The following SGSM2 variants were observed in gnomAD, a reference collection of about 807,000 sequenced individuals.
The protein encoded by SGSM2 is small G protein signaling modulator 2, also known as RUN and TBC1 domain containing 1.
In SGSM2, 89 loss-of-function variants were observed where a neutral mutation model predicts 126.6. The observed-to-expected ratio is 0.70, with a 90% CI of 0.59 to 0.84. The LOEUF (loss-of-function observed/expected upper bound fraction) is 0.84. SGSM2 is among the 40% of genes least tolerant of loss of function. The probability of loss-of-function intolerance (pLI) is 0.00; values close to 1 mark genes in which losing one functional copy is unlikely to be tolerated. For missense variants in SGSM2, 1,404 were observed against 1,416.6 expected, an observed-to-expected ratio of 0.99 and a Z score of 0.14; for synonymous variants, 614 against 574.3, an observed-to-expected ratio of 1.07 and a Z score of -0.99.
chr17:2,344,657 G>A (rs917472764), intron 2 of SGSM2, among the ~76,000 whole-genome samples: 3 of 152,172 alleles, frequency 2.0e-5, no homozygotes, highest in African/African-American at 2.4e-5. Context: ...AAACAAATGC[G>A]CAAGTAAATA....
At chr17:2,360,995 A>G (rs1231385971) in intron 2 of SGSM2, among the ~76,000 whole-genome samples, 1 of 152,218 alleles carries the variant, frequency 6.6e-6, no homozygotes, top group Non-Finnish European at 1.5e-5. Context: ...GTCTGGGCAC[A>G]GGGCAGCTCC....
At chr17:2,366,995 T>G in intron 11 of SGSM2, 1 of 406,434 alleles carries the variant, frequency 2.5e-6, no homozygotes, top group Non-Finnish European at 4.5e-6. Context: ...GTCCCGGTCT[T>G]TCACATCCTC....
intron 1 of SGSM2, among the ~76,000 whole-genome samples, chr17:2,338,354 A>G (rs552391616): frequency 3.3e-5 from 5 of 150,662 alleles, no homozygotes; most frequent in African/African-American, 1.2e-4. Flanking sequence ...TTTTGAGGGA[A>G]GCCCCCCTAC....
intron 21 of SGSM2, 171 bp downstream of exon 21, chr17:2,377,239 A>C: frequency 1.8e-6 from 1 of 570,776 alleles, no homozygotes; most frequent in Admixed American, 3.3e-5. Flanking sequence ...TCATCCCAGC[A>C]ATTTAGGAGG....
chr17:2,360,626 C>T (rs2065269201), intron 2 of SGSM2, among the ~76,000 whole-genome samples: 1 of 152,246 alleles, frequency 6.6e-6, no homozygotes, highest in African/African-American at 2.4e-5. Flanking sequence ...TAGCCCTCTT[C>T]CCATTTCACA....
Position 2,380,369 on chromosome 17 carries a change from G to A in SGSM2, c.*849G>A. On this transcript the variant is annotated 3_prime_UTR_variant, in exon 24 of 24. Coordinates refer to ENST00000268989, the MANE Select transcript of SGSM2 (RefSeq NM_014853.3). ...GAGGAATCCCAGGGTGACTCTGTCGGGGAAGAATCCGGTCACAGCCTCCCC... is the reference window on the plus strand; with the variant it reads ...GAGGAATCCCAGGGTGACTCTGTCGAGGAAGAATCCGGTCACAGCCTCCCC... 3 of 1,457,384 alleles carry A rather than the reference G, an allele frequency of 2.1e-6. No homozygotes were observed. Among genetic ancestry groups the A allele is most frequent in the South Asian group, 2.4e-5 (2 of 82,420 alleles). 90.3% of individuals were successfully genotyped at this position (1,457,384 alleles called of 1,614,324 possible).
rs1425779592 is a variant in SGSM2 at position 2,337,989 on chromosome 17, A to G, written c.57+244A>G. 6.6e-6 allele frequency among the ~76,000 whole-genome samples: 1 copy of G among 151,704 alleles called. No homozygotes were observed. The highest frequency in any genetic ancestry group is 1.5e-5 in the Non-Finnish European group (1 of 67,874). ...TTCGCAGCCCCGCAGCTCCCCGCCC[A>G]GTGACGGCAGCGGCGCTGGGAGCCC... On this transcript the variant is annotated intron_variant, in intron 1 of 23. Transcript: ENST00000268989. The surrounding 1 kb of genome is among the most constrained non-coding windows in gnomAD (Gnocchi z 5.1).
At chr17:2,374,267 T>C (rs745709208) in intron 17 of SGSM2, 3 of 152,172 alleles carry the variant, frequency 2.0e-5, no homozygotes, top group Non-Finnish European at 4.4e-5. Flanking sequence ...TAACAGAAAA[T>C]GTAAGTTGAA....
At chr17:2,339,065 A>G (rs1282562089) in intron 1 of SGSM2, among the ~76,000 whole-genome samples, 4 of 151,640 alleles carry the variant, frequency 2.6e-5, no homozygotes, top group Non-Finnish European at 5.9e-5. Flanking sequence ...TCTCAAAAAA[A>G]AAAAAGTTTA....
Position 2,376,553 on chromosome 17 carries a change from T to C in SGSM2, c.2610-180T>C, listed in dbSNP as rs754777331. The stretch of plus-strand genomic sequence containing the variant: ...TTGGCTCTCCCTAAGTCGGAGTGCC[T>C]TGGGGGGGACCCGTGGGTTGTTCCC... On this transcript the variant is annotated intron_variant, in intron 19 of 23. Coordinates refer to ENST00000268989, the MANE Select transcript of SGSM2 (RefSeq NM_014853.3). 5.7e-4 allele frequency: 430 copies of C among 747,980 alleles called. 1 individual carries two copies. In the Middle Eastern group the frequency reaches 9.1e-3, roughly 16 times the overall value. 46.3% of individuals were successfully genotyped at this position (747,980 alleles called of 1,614,324 possible).
At position 2,375,784 on chromosome 17, in the gene SGSM2, G is replaced by C. The variant is rs780857825; in HGVS notation, c.2393G>C (p.Arg798Thr). ...CCCGGCCCTGCAGCTCACACTTTGA[G>C]GGAGCCCCAGGATCCCAGCCAGGAG... ...SGPGPAAHTL[R>T]EPQDPSQEKP... The change falls in exon 18 of 24, where the codon AGG becomes ACG. Residue 798 changes from arginine (R) to threonine (T), a missense_variant. Physicochemically the swap from Arg to Thr is moderately conservative, Grantham distance 71. Coordinates refer to ENST00000268989, the MANE Select transcript of SGSM2 (RefSeq NM_014853.3). 7 of 1,582,008 alleles carry C rather than the reference G, an allele frequency of 4.4e-6. No individual in the cohort carries two copies. The highest frequency in any genetic ancestry group is 6.0e-6 in the Non-Finnish European group (7 of 1,164,036).
chr17:2,374,159 A>G (rs2066015937), intron 17 of SGSM2: 1 of 152,362 alleles, frequency 6.6e-6, no homozygotes, highest in Non-Finnish European at 1.5e-5. Flanking sequence ...ACCAACACTG[A>G]TAAGTTTCAA....
In SGSM2 at chr17:2,377,243, T is replaced by G. The variant is rs186767994; in HGVS notation, c.2802+175T>G. 385 of 563,232 alleles carry G rather than the reference T, an allele frequency of 6.8e-4. 4 individuals are homozygous for G. The highest frequency in any genetic ancestry group is 6.5e-3 in the African/African-American group (343 of 52,754). 34.9% of individuals were successfully genotyped at this position (563,232 alleles called of 1,614,324 possible). A position where few individuals can be genotyped will look rare whatever the true frequency, so the allele number is the denominator to read the frequency against. ...GCTCAGGCCTGTCATCCCAGCAATT[T>G]AGGAGGCCGAGGCAGGCGGATCACG... On this transcript the variant is annotated intron_variant, in intron 21 of 23. Coordinates refer to ENST00000268989, the MANE Select transcript of SGSM2 (RefSeq NM_014853.3).
At chr17:2,370,711 C>T (rs1424787159) in intron 12 of SGSM2, among the ~76,000 whole-genome samples, 1 of 152,226 alleles carries the variant, frequency 6.6e-6, no homozygotes, top group South Asian at 2.1e-4. Flanking sequence ...CCACTGGCCA[C>T]CAGATCTAGA....
chr17:2,377,702 G>C, intron 21 of SGSM2, 155 bp from the exon 22 acceptor site: 1 of 550,258 alleles, frequency 1.8e-6, no homozygotes, highest in Admixed American at 3.2e-5. Context: ...GAGATCCGAG[G>C]GGGAGAGAGT....
chr17:2,372,432 GGGGCCTCCGC>G lies in SGSM2; in HGVS notation c.1740_1749del (p.Ala581ProfsTer29), dbSNP rs778458424. On this transcript the variant is annotated frameshift_variant, in exon 15 of 24. Coordinates refer to ENST00000268989, the MANE Select transcript of SGSM2 (RefSeq NM_014853.3). LOFTEE classifies it high-confidence loss of function. The surrounding 1 kb of genome is among the most constrained non-coding windows in gnomAD (Gnocchi z 6.0). The stretch of plus-strand genomic sequence containing the variant: ...CGTTATCCCACCTGACCGGCCCCCG[GGGGCCTCCGC>G]GGGCCTCACCAAGGACGTGTGGAGC... 1.2e-6 allele frequency: 2 copies of G among 1,601,320 alleles called. No homozygotes were observed. Among genetic ancestry groups the G allele is most frequent in the East Asian group, 2.3e-5 (1 of 44,434 alleles).
intron 2 of SGSM2, among the ~76,000 whole-genome samples, chr17:2,347,471 T>A (rs1240251935): frequency 6.6e-6 from 1 of 151,670 alleles, no homozygotes; most frequent in African/African-American, 2.4e-5. Context: ...AGGTCTTTGA[T>A]ATATCCTTTT....
intron 2 of SGSM2, among the ~76,000 whole-genome samples, chr17:2,357,386 G>A (rs760026632): frequency 4.6e-5 from 7 of 152,142 alleles, no homozygotes; most frequent in Non-Finnish European, 8.8e-5. Flanking sequence ...ATCATTCAAC[G>A]AGTGGATAAA....
In SGSM2 at chr17:2,363,370, GT is replaced by G; in HGVS notation, c.673-94del. On this transcript the variant is annotated intron_variant, in intron 6 of 23. Coordinates refer to ENST00000268989, the MANE Select transcript of SGSM2 (RefSeq NM_014853.3). The surrounding 1 kb of genome is among the most constrained non-coding windows in gnomAD (Gnocchi z 4.2). ...AACCGGGGCAGGAAGGACCCCTGGG[GT>G]CAGCTGGAGAGGGTCAGCATGGAAG... 1.3e-6 allele frequency: 2 copies of G among 1,569,000 alleles called. No individual in the cohort carries two copies. The highest frequency in any genetic ancestry group is 8.6e-7 in the Non-Finnish European group (1 of 1,159,488).
Sources: gnomAD v4.1 joint callset for allele counts (sites outside exome capture counted in the v4.1 genomes callset) on GRCh38, gnomAD v4.1.1 for gene constraint, Gnocchi (gnomAD v3.1) non-coding constraint, MANE v1.5 for transcripts, NCBI Gene and HGNC (gene_info 2026-07-23, HGNC 2026-07-21) for gene names.